Variants in ACBD6 observed in about 807,000 individuals in gnomAD.
ACBD6 encodes acyl-CoA-binding domain-containing protein 6.
ACBD6 carries 28 observed loss-of-function variants against 37.2 expected under a neutral mutation model. That is an observed-to-expected ratio of 0.75 (90% CI 0.56 to 1.03). The LOEUF is 1.03. ACBD6 is among the 50% of genes least tolerant of loss of function. The pLI is 0.00. For missense variants in ACBD6, 340 were observed against 337.4 expected (o/e 1.01, Z -0.06); for synonymous variants, 113 against 126.8 (o/e 0.89, Z 0.73).
intron 3 of ACBD6, among the ~76,000 whole-genome samples, chr1:180,480,944 T>C (rs1350339884): frequency 6.6e-6 from 1 of 151,928 alleles, no homozygotes; most frequent in East Asian, 1.9e-4. Flanking sequence ...GGCAGGAGAA[T>C]TGCTGGAACC....
intron 7 of ACBD6, among the ~76,000 whole-genome samples, chr1:180,300,605 TA>T (rs1470236973): frequency 9.9e-5 from 15 of 152,208 alleles, no homozygotes; most frequent in Non-Finnish European, 1.9e-4. Context: ...GGATATTTAG[TA>T]TTTGATTATC....
At chr1:180,479,037 G>A (rs982798375) in intron 3 of ACBD6, among the ~76,000 whole-genome samples, 1 of 152,190 alleles carries the variant, frequency 6.6e-6, no homozygotes, top group Non-Finnish European at 1.5e-5. Flanking sequence ...GGACGCCAAG[G>A]TGGGAAGATC....
chr1:180,300,541 C>T (rs1441639599), intron 7 of ACBD6, among the ~76,000 whole-genome samples: 1 of 152,014 alleles, frequency 6.6e-6, no homozygotes, highest in East Asian at 1.9e-4. Flanking sequence ...ATTAAATATT[C>T]CTGAATTGTC....
chr1:180,397,466 C>A (rs369902091), intron 6 of ACBD6, 50 bp downstream of exon 6: 3 of 1,488,968 alleles, frequency 2.0e-6, no homozygotes, highest in South Asian at 1.1e-5. Context: ...TTATGTTATG[C>A]GAATTATACT....
intron 6 of ACBD6, among the ~76,000 whole-genome samples, chr1:180,331,752 AAATTT>A (rs1218135379): frequency 1.3e-5 from 2 of 152,318 alleles, no homozygotes; most frequent in East Asian, 3.9e-4. Context: ...CCACTTCTGT[AAATTT>A]TTCCCCCAAG....
intron 3 of ACBD6, among the ~76,000 whole-genome samples, chr1:180,453,321 G>A (rs937162659): frequency 2.0e-5 from 3 of 152,156 alleles, no homozygotes; most frequent in African/African-American, 7.2e-5. Flanking sequence ...AAAACCACAT[G>A]ATTATCTCAA....
chr1:180,345,632 C>T (rs926506734), intron 6 of ACBD6, among the ~76,000 whole-genome samples: 5 of 151,902 alleles, frequency 3.3e-5, no homozygotes, highest in Non-Finnish European at 5.9e-5. Flanking sequence ...AAAGTTGAGT[C>T]GATTATTACG....
chr1:180,388,453 T>A (rs1339964528), intron 6 of ACBD6, among the ~76,000 whole-genome samples: 1 of 152,250 alleles, frequency 6.6e-6, no homozygotes, highest in Non-Finnish European at 1.5e-5. Flanking sequence ...GTATTTCCCA[T>A]CTGGTTTTAT....
Position 180,502,272 on chromosome 1 carries a change from C to A in ACBD6, c.-6G>T. 6.2e-7 allele frequency: 1 copy of A among 1,612,372 alleles called. No individual in the cohort carries two copies. The highest frequency in any genetic ancestry group is 8.5e-7 in the Non-Finnish European group (1 of 1,179,986). The stretch of plus-strand genomic sequence containing the variant: ...GGCAGGAATGATGAAGCCATGTCTC[C>A]TTGCTCGCTCCGTCCCTCTGTGTCC... On this transcript the variant is annotated 5_prime_UTR_variant, in exon 1 of 8. It adds an upstream start codon to the 5' untranslated region. Coordinates refer to ENST00000367595, the MANE Select transcript of ACBD6 (RefSeq NM_032360.4).
At chr1:180,337,479 A>T (rs1207627486) in intron 6 of ACBD6, among the ~76,000 whole-genome samples, 3 of 152,178 alleles carry the variant, frequency 2.0e-5, no homozygotes, top group Non-Finnish European at 4.4e-5. Flanking sequence ...ACTCTCAATA[A>T]ATTAGGTATT....
intron 3 of ACBD6, among the ~76,000 whole-genome samples, chr1:180,461,115 T>A (rs1166905591): frequency 6.6e-6 from 1 of 152,152 alleles, no homozygotes; most frequent in African/African-American, 2.4e-5. Context: ...TTGCAAGTAT[T>A]AATAGCAGAA....
intron 6 of ACBD6, among the ~76,000 whole-genome samples, chr1:180,332,814 C>T (rs1651537157): frequency 6.6e-6 from 1 of 152,150 alleles, no homozygotes; most frequent in Admixed American, 6.5e-5. Flanking sequence ...TCCACGAAAC[C>T]TGTCCCTGGT....
At chr1:180,322,559 A>T (rs1419297817) in intron 6 of ACBD6, among the ~76,000 whole-genome samples, 1 of 151,860 alleles carries the variant, frequency 6.6e-6, no homozygotes, top group Non-Finnish European at 1.5e-5. Context: ...AAGGTTTTGG[A>T]TTTCTTCATG....
chr1:180,286,692 G>C (rs1296652678), downstream of ACBD6, among the ~76,000 whole-genome samples: 1 of 152,134 alleles, frequency 6.6e-6, no homozygotes, highest in Non-Finnish European at 1.5e-5. Context: ...GTACTAATAT[G>C]CATATCACTT....
At chr1:180,440,657 C>T (rs1177780761) in intron 3 of ACBD6, among the ~76,000 whole-genome samples, 1 of 150,332 alleles carries the variant, frequency 6.7e-6, no homozygotes, top group Non-Finnish European at 1.5e-5. Context: ...ACTCCCCATT[C>T]CCCTCTCCCC....
chr1:180,446,256 A>C (rs1296494779), intron 3 of ACBD6, among the ~76,000 whole-genome samples: 1 of 150,934 alleles, frequency 6.6e-6, no homozygotes, highest in African/African-American at 2.4e-5. Flanking sequence ...CAAGCGATCT[A>C]CCCACCTCAG....
At chr1:180,357,929 A>G (rs568653970) in intron 6 of ACBD6, among the ~76,000 whole-genome samples, 1 of 152,270 alleles carries the variant, frequency 6.6e-6, no homozygotes, top group South Asian at 2.1e-4. Context: ...ATTTGGGGTA[A>G]AATTTTATAG....
chr1:180,376,657 T>C (rs547161354), intron 6 of ACBD6, among the ~76,000 whole-genome samples: 71 of 151,976 alleles, frequency 4.7e-4, no homozygotes, highest in African/African-American at 1.6e-3. Context: ...GCAAAATAAA[T>C]ATAGAAAAGA....
chr1:180,459,396 T>C (rs1650044839), intron 3 of ACBD6, among the ~76,000 whole-genome samples: 1 of 152,174 alleles, frequency 6.6e-6, no homozygotes, highest in African/African-American at 2.4e-5. Context: ...GACTGAAATA[T>C]TCAATTCTAG....
Sources: allele counts gnomAD v4.1 joint callset (sites outside exome capture counted in the v4.1 genomes callset), GRCh38; gene constraint gnomAD v4.1.1; transcripts MANE v1.5; gene names NCBI Gene and HGNC (gene_info 2026-07-23, HGNC 2026-07-21).